Variants in RIMS2 observed in about 807,000 individuals in gnomAD.
RIMS2 encodes the protein regulating synaptic membrane exocytosis protein 2.
Under a neutral mutation model 174.4 loss-of-function variants are expected in RIMS2, and 59 were observed. The ratio of observed to expected loss-of-function variants is 0.34; its 90% confidence interval spans 0.27 to 0.42. The LOEUF (loss-of-function observed/expected upper bound fraction) is 0.42. RIMS2 is among the 10% of genes least tolerant of loss of function. The pLI is 1.00. For missense variants in RIMS2, 1,620 were observed against 1,666.3 expected (o/e 0.97, Z 0.48); for synonymous variants, 606 against 572.5 (o/e 1.06, Z -0.84).
At chr8:103,504,718 T>A (rs1822424534) in intron 1 of RIMS2, among the ~76,000 whole-genome samples, 2 of 152,074 alleles carry the variant, frequency 1.3e-5, no homozygotes, top group African/African-American at 4.8e-5. Flanking sequence ...TTAGTATATA[T>A]TTAGCACATA....
chr8:103,981,702 TAATC>T (rs1365554304), intron 16 of RIMS2, among the ~76,000 whole-genome samples: 4 of 152,012 alleles, frequency 2.6e-5, no homozygotes, highest in African/African-American at 7.2e-5. Context: ...TAATTAAAAA[TAATC>T]AAGTGGATAT....
intron 19 of RIMS2, among the ~76,000 whole-genome samples, chr8:104,159,360 G>C (rs1197002254): frequency 2.0e-5 from 3 of 152,200 alleles, no homozygotes; most frequent in Non-Finnish European, 4.4e-5. Context: ...TTTTGCTTAG[G>C]ATTATCGTGG....
At chr8:103,605,378 G>T (rs1281385844) in intron 1 of RIMS2, among the ~76,000 whole-genome samples, 4 of 139,540 alleles carry the variant, frequency 2.9e-5, no homozygotes, top group African/African-American at 1.1e-4. Context: ...TAAGCTTTTT[G>T]ATGTGCTGCT....
intron 1 of RIMS2, among the ~76,000 whole-genome samples, chr8:103,603,048 C>T (rs1331039538): frequency 6.6e-6 from 1 of 151,354 alleles, no homozygotes; most frequent in African/African-American, 2.4e-5. Flanking sequence ...GCACATTGTG[C>T]AGGTTAGTTA....
At chr8:103,647,295 GT>G (rs2096357125) in intron 1 of RIMS2, among the ~76,000 whole-genome samples, 2 of 151,978 alleles carry the variant, frequency 1.3e-5, no homozygotes, top group South Asian at 4.1e-4. Flanking sequence ...ATTGCCTGAA[GT>G]TTTTTGTTGT....
intron 1 of RIMS2, among the ~76,000 whole-genome samples, chr8:103,609,192 T>G (rs2095275023): frequency 6.6e-6 from 1 of 152,144 alleles, no homozygotes; most frequent in African/African-American, 2.4e-5. Context: ...TACCCACTTT[T>G]TAATGGAATT....
chr8:103,696,820 G>A (rs561138579), intron 1 of RIMS2, among the ~76,000 whole-genome samples: 4 of 127,668 alleles, frequency 3.1e-5, no homozygotes, highest in East Asian at 2.3e-4. Context: ...CCAAGATCGC[G>A]TCACTGCACT....
intron 3 of RIMS2, among the ~76,000 whole-genome samples, chr8:103,844,854 A>G (rs796893873): frequency 6.6e-6 from 1 of 152,090 alleles, no homozygotes; most frequent in African/African-American, 2.4e-5. Flanking sequence ...TACCTTAGCT[A>G]TTCTTTCTGT....
intron 19 of RIMS2, among the ~76,000 whole-genome samples, chr8:104,152,440 A>G (rs1232952629): frequency 6.6e-6 from 1 of 152,146 alleles, no homozygotes. Flanking sequence ...TTGTTTTACA[A>G]TTACTGGATT....
At chr8:103,544,654 C>T (rs1844129211) in intron 1 of RIMS2, among the ~76,000 whole-genome samples, 1 of 152,240 alleles carries the variant, frequency 6.6e-6, no homozygotes. Context: ...AGCACTCAGA[C>T]AGCAGATTAG....
chr8:104,201,629 A>G (rs986859325), intron 19 of RIMS2, among the ~76,000 whole-genome samples: 1 of 152,172 alleles, frequency 6.6e-6, no homozygotes, highest in Non-Finnish European at 1.5e-5. Flanking sequence ...AAAATTATCC[A>G]GGCTTCTAGT....
chr8:103,738,651 T>C (rs2097718550), intron 2 of RIMS2, among the ~76,000 whole-genome samples: 2 of 151,964 alleles, frequency 1.3e-5, no homozygotes, highest in Non-Finnish European at 2.9e-5. Context: ...AGAGCTAATA[T>C]CCAGAATCTA....
intron 3 of RIMS2, among the ~76,000 whole-genome samples, chr8:103,859,138 A>T (rs1034889972): frequency 6.6e-6 from 1 of 152,148 alleles, no homozygotes; most frequent in Non-Finnish European, 1.5e-5. Flanking sequence ...AGCATTAAGC[A>T]TCTCATTGAA....
chr8:103,997,036 T>A (rs1259340944), intron 17 of RIMS2, among the ~76,000 whole-genome samples: 1 of 151,438 alleles, frequency 6.6e-6, no homozygotes, highest in African/African-American at 2.4e-5. Context: ...ACGAAAGAAT[T>A]TTGGGGGAAT....
At chr8:104,172,527 A>G (rs2098838329) in intron 19 of RIMS2, among the ~76,000 whole-genome samples, 1 of 152,184 alleles carries the variant, frequency 6.6e-6, no homozygotes, top group Non-Finnish European at 1.5e-5. Context: ...TTGTTAATGT[A>G]TATTGTCTGT....
At chr8:103,878,762 C>T (rs774111108) in intron 3 of RIMS2, among the ~76,000 whole-genome samples, 8 of 151,122 alleles carry the variant, frequency 5.3e-5, no homozygotes, top group Non-Finnish European at 1.2e-4. Flanking sequence ...TTATTGATCC[C>T]CTGAGGGGAT....
chr8:103,572,786 T>C (rs1394418810), intron 1 of RIMS2, among the ~76,000 whole-genome samples: 1 of 152,198 alleles, frequency 6.6e-6, no homozygotes, highest in Non-Finnish European at 1.5e-5. Context: ...TTTAAGTTCC[T>C]TATAGATTTT....
At chr8:103,806,765 G>A (rs2098652967) in intron 3 of RIMS2, among the ~76,000 whole-genome samples, 1 of 152,000 alleles carries the variant, frequency 6.6e-6, no homozygotes, top group Non-Finnish European at 1.5e-5. Context: ...GATGGAAAAT[G>A]TTCATGGATT....
intron 3 of RIMS2, among the ~76,000 whole-genome samples, chr8:103,805,078 C>A (rs2098641151): frequency 6.6e-6 from 1 of 152,046 alleles, no homozygotes. Flanking sequence ...ACAGGATGAA[C>A]CACCACACCC....
Sources: allele counts gnomAD v4.1 joint callset (sites outside exome capture counted in the v4.1 genomes callset), GRCh38; gene constraint gnomAD v4.1.1; transcripts MANE v1.5; gene names NCBI Gene and HGNC (gene_info 2026-07-23, HGNC 2026-07-21).